Variants in B4GALT1 observed in about 807,000 individuals in gnomAD.
B4GALT1 encodes N-acetyllactosamine synthase.
A neutral mutation model predicts 34.9 loss-of-function variants in B4GALT1; 16 were observed. That is an observed-to-expected ratio of 0.46 (90% CI 0.31 to 0.70). B4GALT1 has a LOEUF of 0.70. Among genes scored for constraint, B4GALT1 ranks in the 30% least tolerant of loss-of-function variants. The probability of loss-of-function intolerance (pLI) is 0.05; values close to 1 mark genes in which losing one functional copy is unlikely to be tolerated. For missense variants in B4GALT1, 445 were observed against 530.5 expected, an observed-to-expected ratio of 0.84 and a Z score of 1.58; for synonymous variants, 221 against 218.1, an observed-to-expected ratio of 1.01 and a Z score of -0.12.
At chr9:33,114,773 T>C (rs1442235501) in intron 4 of B4GALT1, among the ~76,000 whole-genome samples, 1 of 152,258 alleles carries the variant, frequency 6.6e-6, no homozygotes, top group Non-Finnish European at 1.5e-5. Context: ...TAAACATTCC[T>C]GGCCTTGCCT....
chr9:33,182,929 G>C, the B4GALT1 span, among the ~76,000 whole-genome samples: 1 of 151,954 alleles, frequency 6.6e-6, no homozygotes, highest in Non-Finnish European at 1.5e-5. Context: ...TCAACATTTA[G>C]CCATGTTTAT....
Position 33,117,784 on chromosome 9 carries a change from C to T in B4GALT1, c.837-1671G>A, listed in dbSNP as rs192072887. On this transcript the variant is annotated intron_variant, in intron 3 of 5. Coordinates refer to ENST00000379731, the MANE Select transcript of B4GALT1 (RefSeq NM_001497.4). ...GTCATCACTTAGGTGCTGAGTCATC[C>T]ACCTTTGGCACACCTCATACTACTG... 1.3e-3 allele frequency among the ~76,000 whole-genome samples: 195 copies of T among 152,314 alleles called. 1 individual carries two copies. Among genetic ancestry groups the T allele is most frequent in the African/African-American group, 4.5e-3 (188 of 41,568 alleles).
At chr9:33,161,906 C>T (rs1840680570) in intron 1 of B4GALT1, among the ~76,000 whole-genome samples, 1 of 152,174 alleles carries the variant, frequency 6.6e-6, no homozygotes, top group African/African-American at 2.4e-5. Context: ...ACTGAATAAA[C>T]CTCTTTCACA....
chr9:33,138,084 T>C (rs1840296801), intron 1 of B4GALT1, among the ~76,000 whole-genome samples: 1 of 152,238 alleles, frequency 6.6e-6, no homozygotes, highest in South Asian at 2.1e-4. Context: ...TGCTCGTACC[T>C]TCTGAAACCC....
chr9:33,109,780 T>C (rs1391871610), downstream of B4GALT1, among the ~76,000 whole-genome samples: 2 of 152,222 alleles, frequency 1.3e-5, no homozygotes, highest in Non-Finnish European at 2.9e-5. Context: ...TGAGTTAAAC[T>C]GTAGGACACC....
chr9:33,106,680 G>C (rs1408379756), downstream of B4GALT1, among the ~76,000 whole-genome samples: 6 of 152,222 alleles, frequency 3.9e-5, no homozygotes, highest in Admixed American at 3.9e-4. Flanking sequence ...GAGGGAGGCA[G>C]GGAGGGAGGA....
the B4GALT1 span, among the ~76,000 whole-genome samples, chr9:33,175,007 ATATATATATATAT>A: frequency 4.1e-5 from 3 of 72,560 alleles, 1 homozygote; most frequent in Non-Finnish European, 8.7e-5. Flanking sequence ...ATATATATAT[ATATATATATATAT>A]AAAATTGGAG....
intron 1 of B4GALT1, among the ~76,000 whole-genome samples, chr9:33,154,278 T>C (rs906486242): frequency 3.3e-5 from 5 of 152,136 alleles, no homozygotes; most frequent in African/African-American, 1.2e-4. Context: ...GAAAAGCATT[T>C]GACAAAACCC....
At chr9:33,175,139 CCT>C in the B4GALT1 span, among the ~76,000 whole-genome samples, 1 of 147,424 alleles carries the variant, frequency 6.8e-6, no homozygotes, top group African/African-American at 2.5e-5. Context: ...TAGCAAGACC[CCT>C]GTCTCTATGA....
At chr9:33,109,743 C>A (rs1299193353), downstream of B4GALT1, among the ~76,000 whole-genome samples, 1 of 152,216 alleles carries the variant, frequency 6.6e-6, no homozygotes, top group African/African-American at 2.4e-5. Context: ...GGATCCGTTG[C>A]TATCTCCAGG....
intron 5 of B4GALT1, 89 bp downstream of exon 5, chr9:33,113,685 A>C: frequency 1.4e-5 from 22 of 1,607,364 alleles, no homozygotes; most frequent in Non-Finnish European, 1.8e-5. Flanking sequence ...TAACCTGACC[A>C]CCTCAATTTC....
chr9:33,167,117 G>A lies in B4GALT1; in HGVS notation c.53C>T (p.Ser18Phe). 1 of 1,604,100 alleles carries A rather than the reference G, an allele frequency of 6.2e-7. No homozygotes were observed. The highest frequency in any genetic ancestry group is 8.5e-7 in the Non-Finnish European group (1 of 1,177,820). ...LSGSAAMPGA[S>F]LQRACRLLVA... ...GAGCAGGCGGCAGGCCCGCTGTAGG[G>A]ACGCGCCTGGCATCGCGGCGCTGCC... is the stretch of plus-strand genomic sequence containing the variant. Residue 18 changes from serine to phenylalanine, a missense_variant, in exon 1 of 6, where the codon TCC becomes TTC. Ser to Phe is a radical substitution (Grantham distance 155, BLOSUM62 -2). Coordinates refer to ENST00000379731, the MANE Select transcript of B4GALT1 (RefSeq NM_001497.4).
chr9:33,176,739 C>T, the B4GALT1 span, among the ~76,000 whole-genome samples: 4 of 152,132 alleles, frequency 2.6e-5, no homozygotes, highest in Admixed American at 6.5e-5. Context: ...AACTGCCCAT[C>T]AGGTACTACC....
chr9:33,144,318 C>T (rs1195262433), intron 1 of B4GALT1, among the ~76,000 whole-genome samples: 1 of 152,198 alleles, frequency 6.6e-6, no homozygotes, highest in Non-Finnish European at 1.5e-5. Flanking sequence ...ACTGCAACCT[C>T]CGCCTCCCAG....
At chr9:33,158,855 C>T (rs1449011220) in intron 1 of B4GALT1, among the ~76,000 whole-genome samples, 1 of 152,184 alleles carries the variant, frequency 6.6e-6, no homozygotes, top group Non-Finnish European at 1.5e-5. Context: ...GTCTATCTCT[C>T]ACACTTCATA....
chr9:33,134,430 TA>T (rs1840237632), intron 2 of B4GALT1, among the ~76,000 whole-genome samples: 1 of 152,212 alleles, frequency 6.6e-6, no homozygotes. Flanking sequence ...ATTTAAGTGT[TA>T]GGGGTAATCT....
At chr9:33,162,188 T>C (rs2118315608) in intron 1 of B4GALT1, among the ~76,000 whole-genome samples, 1 of 152,318 alleles carries the variant, frequency 6.6e-6, no homozygotes, top group South Asian at 2.1e-4. Flanking sequence ...ATGCATAGCT[T>C]CAGAAATTAG....
chr9:33,165,009 G>T (rs961758734), intron 1 of B4GALT1, among the ~76,000 whole-genome samples: 16 of 127,506 alleles, frequency 1.3e-4, no homozygotes, highest in Non-Finnish European at 2.5e-4. Context: ...GTCTTGCTTC[G>T]TCGCCCAGGC....
At chr9:33,173,416 C>CAAAAAAAAAAAAAAAAAA in the B4GALT1 span, among the ~76,000 whole-genome samples, 3 of 101,222 alleles carry the variant, frequency 3.0e-5, no homozygotes. Context: ...AAAAAAAAAG[C>CAAAAAAAAAAAAAAAAAA]AAAAAAAAAA....
Sources: allele counts gnomAD v4.1 joint callset (sites outside exome capture counted in the v4.1 genomes callset), GRCh38; gene constraint gnomAD v4.1.1; transcripts MANE v1.5; gene names NCBI Gene and HGNC (gene_info 2026-07-23, HGNC 2026-07-21).